GRIP1: variants seen among roughly 807,000 people sequenced by gnomAD.
GRIP1 encodes the protein glutamate receptor interacting protein 1.
Under a neutral mutation model 129.9 loss-of-function variants are expected in GRIP1, and 45 were observed. The observed-to-expected ratio is 0.35, with a 90% CI of 0.27 to 0.44. The LOEUF (loss-of-function observed/expected upper bound fraction) is 0.44, where lower values mean the gene tolerates loss of function less well. GRIP1 is among the 20% of genes least tolerant of loss of function. GRIP1 has a pLI of 1.00. For missense variants in GRIP1, 1,196 were observed against 1,396.8 expected, an observed-to-expected ratio of 0.86 and a Z score of 2.29; for synonymous variants, 530 against 520.8, an observed-to-expected ratio of 1.02 and a Z score of -0.24.
intron 1 of GRIP1, among the ~76,000 whole-genome samples, chr12:66,660,231 A>T (rs966937489): frequency 6.6e-6 from 1 of 152,128 alleles, no homozygotes; most frequent in South Asian, 2.1e-4. Flanking sequence ...TGGTCTATAA[A>T]ATTCATACCC....
At chr12:66,686,629 C>T (rs776074067) in intron 1 of GRIP1, among the ~76,000 whole-genome samples, 19 of 152,308 alleles carry the variant, frequency 1.2e-4, no homozygotes, top group South Asian at 4.2e-4. Context: ...GCTAAGTTTT[C>T]CATATTAAGA....
intron 14 of GRIP1, among the ~76,000 whole-genome samples, chr12:66,431,326 A>T (rs1381081913): frequency 1.3e-5 from 2 of 152,074 alleles, no homozygotes; most frequent in Non-Finnish European, 2.9e-5. Flanking sequence ...CCATCTTTCT[A>T]CTTTTCTCCC....
rs144059591 is a variant in GRIP1 at position 66,745,439 on chromosome 12, T to G, written c.-420+58614A>C. Among the ~76,000 whole-genome samples the G allele has an allele frequency of 2.3e-3, 348 of 152,338 alleles. 1 individual carries two copies. The highest frequency in any genetic ancestry group is 5.7e-3 in the African/African-American group (236 of 41,580). ...AGTCATTCATTCAACATTTATTCTATGCCCACTAGGTCCCAAATATTGCAC... is the reference window on the plus strand; with the variant it reads ...AGTCATTCATTCAACATTTATTCTAGGCCCACTAGGTCCCAAATATTGCAC... On this transcript the variant is annotated intron_variant, in intron 1 of 4. Coordinates refer to the GRIP1 transcript ENST00000538373.
chr12:66,576,339 G>C (rs866970437), intron 2 of GRIP1, among the ~76,000 whole-genome samples: 1 of 152,214 alleles, frequency 6.6e-6, no homozygotes. Context: ...CTCTGCCGGG[G>C]ATGCTGCAAA....
Position 66,707,654 on chromosome 12 carries a change from A to G in GRIP1, c.-419-77318T>C, listed in dbSNP as rs1323443571. On this transcript the variant is annotated intron_variant, in intron 1 of 4. Coordinates refer to the GRIP1 transcript ENST00000538373. ...GCAAGTGGGGGAAAAGATGGTAGCAACCCCCTCCCTCCACATCCTTCCTGC... is the reference window on the plus strand; with the variant it reads ...GCAAGTGGGGGAAAAGATGGTAGCAGCCCCCTCCCTCCACATCCTTCCTGC... 2.0e-5 allele frequency among the ~76,000 whole-genome samples: 3 copies of G among 151,752 alleles called. No homozygotes were observed. In the Admixed American group the frequency reaches 2.0e-4, roughly 10 times the overall value.
At chr12:66,831,829 C>T (rs2039524069) in intron 1 of GRIP1, among the ~76,000 whole-genome samples, 1 of 151,576 alleles carries the variant, frequency 6.6e-6, no homozygotes, top group South Asian at 2.1e-4. Flanking sequence ...ACCAGGATAA[C>T]AATAGTACCT....
chr12:66,514,390 A>G (rs1234934493), intron 7 of GRIP1, among the ~76,000 whole-genome samples: 5 of 152,180 alleles, frequency 3.3e-5, no homozygotes, highest in African/African-American at 1.2e-4. Context: ...TAGGGATGCT[A>G]GTCCCCATTT....
intron 5 of GRIP1, among the ~76,000 whole-genome samples, chr12:66,525,749 T>G (rs2061210054): frequency 6.6e-6 from 1 of 152,166 alleles, no homozygotes; most frequent in Non-Finnish European, 1.5e-5. Flanking sequence ...TTGTCCCTGT[T>G]TGCAGATGAT....
At chr12:67,063,262 C>A (rs1289460480) in intron 1 of GRIP1, among the ~76,000 whole-genome samples, 2 of 152,200 alleles carry the variant, frequency 1.3e-5, no homozygotes, top group Non-Finnish European at 2.9e-5. Context: ...CAGACCATAT[C>A]TTCTTTACAT....
At chr12:66,767,234 C>T (rs867825937) in intron 1 of GRIP1, among the ~76,000 whole-genome samples, 1 of 151,986 alleles carries the variant, frequency 6.6e-6, no homozygotes, top group Non-Finnish European at 1.5e-5. Context: ...CGAAGAAGCA[C>T]CTTCAAATAT....
At chr12:66,860,475 C>T (rs2040092533) in intron 1 of GRIP1, among the ~76,000 whole-genome samples, 1 of 152,074 alleles carries the variant, frequency 6.6e-6, no homozygotes, top group African/African-American at 2.4e-5. Flanking sequence ...GCTATCACCT[C>T]ACCTCTATCC....
intron 19 of GRIP1, among the ~76,000 whole-genome samples, chr12:66,389,167 T>C (rs1328810566): frequency 1.3e-5 from 2 of 152,196 alleles, no homozygotes; most frequent in Admixed American, 1.3e-4. Flanking sequence ...AGATAAGCTG[T>C]ATCTCACAAC....
chr12:66,622,113 C>CT (rs954696783), intron 1 of GRIP1, among the ~76,000 whole-genome samples: 10 of 151,958 alleles, frequency 6.6e-5, no homozygotes, highest in East Asian at 1.9e-4. Context: ...CCAGTTTATC[C>CT]TTTTTTTTCT....
At chr12:66,418,761 T>A (rs2057700453) in intron 15 of GRIP1, among the ~76,000 whole-genome samples, 1 of 152,150 alleles carries the variant, frequency 6.6e-6, no homozygotes, top group African/African-American at 2.4e-5. Context: ...TGACCCGAGT[T>A]AAAATGGTTT....
chr12:66,651,740 AT>A (rs998595301), intron 1 of GRIP1, among the ~76,000 whole-genome samples: 23 of 152,240 alleles, frequency 1.5e-4, no homozygotes, highest in African/African-American at 5.3e-4. Flanking sequence ...CTTGGGGAAA[AT>A]CTCTATGGAC....
At chr12:66,703,445 C>A (rs139066105) in intron 1 of GRIP1, among the ~76,000 whole-genome samples, 72 of 151,840 alleles carry the variant, frequency 4.7e-4, no homozygotes, top group Non-Finnish European at 9.6e-4. Flanking sequence ...TGGGAGAGGG[C>A]AAAGGGAGAG....
intron 1 of GRIP1, among the ~76,000 whole-genome samples, chr12:66,712,749 T>A (rs1193288828): frequency 6.6e-6 from 1 of 152,006 alleles, no homozygotes; most frequent in Non-Finnish European, 1.5e-5. Context: ...TGTAAAATAT[T>A]TGTCTTATAA....
chr12:66,377,924 A>G (rs2055890843), intron 20 of GRIP1, among the ~76,000 whole-genome samples: 2 of 151,012 alleles, frequency 1.3e-5, no homozygotes, highest in Non-Finnish European at 2.9e-5. Context: ...TGCTATATCT[A>G]CAAGGAACGA....
At chr12:66,672,949 T>C (rs1181265889) in intron 1 of GRIP1, among the ~76,000 whole-genome samples, 1 of 152,166 alleles carries the variant, frequency 6.6e-6, no homozygotes, top group East Asian at 1.9e-4. Context: ...CAAGTAAAAA[T>C]AGGAAAGCTA....
Sources: allele counts gnomAD v4.1 joint callset (sites outside exome capture counted in the v4.1 genomes callset), GRCh38; gene constraint gnomAD v4.1.1; transcripts MANE v1.5; gene names NCBI Gene and HGNC (gene_info 2026-07-23, HGNC 2026-07-21).